The following ENOX1 variants were observed in gnomAD, a reference collection of about 807,000 sequenced individuals.
ENOX1 encodes the protein candidate growth-related and time keeping constitutive hydroquinone (NADH) oxidase.
In ENOX1, 42 loss-of-function variants were observed where a neutral mutation model predicts 82.5. That is an observed-to-expected ratio of 0.51 (90% CI 0.40 to 0.66). ENOX1 has a LOEUF of 0.66. ENOX1 is among the 30% of genes least tolerant of loss of function. ENOX1 has a pLI of 0.00. For missense variants in ENOX1, 608 were observed against 811.6 expected (o/e 0.75, Z 3.05); for synonymous variants, 271 against 282.2 (o/e 0.96, Z 0.40).
At chr13:43,218,195 G>A (rs947307829) in intron 16 of ENOX1, among the ~76,000 whole-genome samples, 1 of 152,206 alleles carries the variant, frequency 6.6e-6, no homozygotes, top group African/African-American at 2.4e-5. Context: ...AATCTCAAAT[G>A]TATTAGCTGT....
chr13:43,463,792 A>G (rs1177869073), intron 3 of ENOX1, among the ~76,000 whole-genome samples: 1 of 152,204 alleles, frequency 6.6e-6, no homozygotes, highest in Admixed American at 6.5e-5. Context: ...AAAACGTTGA[A>G]TTTGTATTTT....
chr13:43,598,185 C>G (rs1291550451), intron 2 of ENOX1, among the ~76,000 whole-genome samples: 4 of 144,644 alleles, frequency 2.8e-5, no homozygotes, highest in Non-Finnish European at 5.9e-5. Context: ...TCAGCAAACA[C>G]TACAAAATAG....
At chr13:43,698,417 G>A (rs2086748747) in intron 1 of ENOX1, among the ~76,000 whole-genome samples, 1 of 152,152 alleles carries the variant, frequency 6.6e-6, no homozygotes, top group Admixed American at 6.6e-5. Context: ...AACTGTTAGA[G>A]TAGCCAGCAC....
At chr13:43,747,759 AT>A (rs1390394082) in intron 1 of ENOX1, among the ~76,000 whole-genome samples, 23 of 152,334 alleles carry the variant, frequency 1.5e-4, no homozygotes, top group African/African-American at 4.8e-4. Context: ...TATTTGAAGG[AT>A]ATAAGATTCA....
At chr13:43,335,363 C>T (rs532712944) in intron 9 of ENOX1, among the ~76,000 whole-genome samples, 129 of 152,314 alleles carry the variant, frequency 8.5e-4, no homozygotes, top group African/African-American at 3.0e-3. Context: ...AGTAACTTTA[C>T]TGACACCTTA....
chr13:43,763,031 A>G (rs1037625654), intron 1 of ENOX1, among the ~76,000 whole-genome samples: 9 of 152,170 alleles, frequency 5.9e-5, no homozygotes, highest in South Asian at 2.1e-4. Context: ...TATTTAACTG[A>G]AATCGTCATT....
intron 2 of ENOX1, among the ~76,000 whole-genome samples, chr13:43,615,694 C>T (rs1199582205): frequency 6.6e-6 from 1 of 152,020 alleles, no homozygotes; most frequent in East Asian, 1.9e-4. Flanking sequence ...CTGCACCCAT[C>T]AATCCGTCAT....
intron 2 of ENOX1, among the ~76,000 whole-genome samples, chr13:43,558,872 A>C (rs774574155): frequency 5.3e-5 from 8 of 152,146 alleles, no homozygotes; most frequent in Non-Finnish European, 8.8e-5. Context: ...TTCTGATAAG[A>C]GTATGTATTT....
At position 43,461,647 on chromosome 13, in the gene ENOX1, A is replaced by G. The variant is rs180981857; in HGVS notation, c.-75+22362T>C. Among the ~76,000 whole-genome samples, 57 of 152,348 alleles carry G rather than the reference A, an allele frequency of 3.7e-4. 1 individual carries two copies. In the East Asian group the frequency reaches 0.01, roughly 28 times the overall value. Reference sequence around the variant, plus strand: ...GTTAGGAAATCTTCATAGAGCAGGTATGATTTTTAAGGGGCTTTGAGGACT... The same window carrying G: ...GTTAGGAAATCTTCATAGAGCAGGTGTGATTTTTAAGGGGCTTTGAGGACT... On this transcript the variant is annotated intron_variant, in intron 3 of 16. Coordinates refer to ENST00000690772, the MANE Select transcript of ENOX1 (RefSeq NM_001347969.2).
intron 5 of ENOX1, 148 bp from the exon 6 acceptor site, chr13:43,361,600 T>C (rs915802844): frequency 1.7e-4 from 116 of 690,284 alleles, no homozygotes; most frequent in Admixed American, 2.6e-4. Flanking sequence ...TAGAAAGCTA[T>C]GCCAGAAGGG....
At chr13:43,575,046 T>C (rs904502805) in intron 2 of ENOX1, among the ~76,000 whole-genome samples, 8 of 152,232 alleles carry the variant, frequency 5.3e-5, no homozygotes, top group African/African-American at 1.9e-4. Flanking sequence ...TCACCTAAGA[T>C]TGAATTTAAA....
intron 3 of ENOX1, among the ~76,000 whole-genome samples, chr13:43,436,424 G>A (rs1348928194): frequency 6.6e-6 from 1 of 152,122 alleles, no homozygotes; most frequent in Non-Finnish European, 1.5e-5. Context: ...AACATAGAAA[G>A]TAATCTCAGA....
At chr13:43,328,587 C>A (rs527445586) in intron 9 of ENOX1, among the ~76,000 whole-genome samples, 1 of 151,984 alleles carries the variant, frequency 6.6e-6, no homozygotes, top group East Asian at 1.9e-4. Flanking sequence ...TTCATAAAAA[C>A]GTGTAAGGGG....
intron 14 of ENOX1, among the ~76,000 whole-genome samples, chr13:43,258,965 A>G (rs2043904952): frequency 6.6e-6 from 1 of 152,234 alleles, no homozygotes; most frequent in Admixed American, 6.5e-5. Flanking sequence ...GCATGAGGAC[A>G]TGGAGTCAGC....
intron 3 of ENOX1, among the ~76,000 whole-genome samples, chr13:43,435,497 C>G (rs2055966932): frequency 6.6e-6 from 1 of 152,218 alleles, no homozygotes; most frequent in African/African-American, 2.4e-5. Context: ...CACCAAGCTT[C>G]AGATTCTGTT....
intron 1 of ENOX1, among the ~76,000 whole-genome samples, chr13:43,678,032 T>C (rs1432287577): frequency 6.6e-6 from 1 of 152,184 alleles, no homozygotes; most frequent in Non-Finnish European, 1.5e-5. Context: ...CATCATTTGA[T>C]ACCCTATTTA....
chr13:43,726,414 A>C (rs2153820190), intron 1 of ENOX1, among the ~76,000 whole-genome samples: 1 of 152,084 alleles, frequency 6.6e-6, no homozygotes, highest in African/African-American at 2.4e-5. Flanking sequence ...ACAGGGTTTC[A>C]CCATGTTGAC....
At chr13:43,477,818 T>A (rs2058348679) in intron 3 of ENOX1, among the ~76,000 whole-genome samples, 1 of 152,188 alleles carries the variant, frequency 6.6e-6, no homozygotes, top group South Asian at 2.1e-4. Context: ...GGAATAACAA[T>A]TTGCACACTT....
intron 2 of ENOX1, among the ~76,000 whole-genome samples, chr13:43,664,519 T>C (rs2084884196): frequency 1.3e-5 from 2 of 152,232 alleles, no homozygotes; most frequent in East Asian, 1.9e-4. Context: ...TAGAATATAA[T>C]TGCTCACCAG....
Sources: allele counts gnomAD v4.1 joint callset (sites outside exome capture counted in the v4.1 genomes callset), GRCh38; gene constraint gnomAD v4.1.1; transcripts MANE v1.5; gene names NCBI Gene and HGNC (gene_info 2026-07-23, HGNC 2026-07-21).